FSIP1: variants seen among roughly 807,000 people sequenced by gnomAD.
FSIP1 encodes the protein fibrous sheath-interacting protein 1.
In FSIP1, 65 loss-of-function variants were observed where a neutral mutation model predicts 60.9. The ratio of observed to expected loss-of-function variants is 1.07; its 90% CI spans 0.87 to 1.31. The LOEUF is 1.31. FSIP1 is among the 40% of genes most tolerant of loss of function. The pLI is 0.00. For missense variants in FSIP1, 675 were observed against 665.5 expected (o/e 1.01, Z -0.16); for synonymous variants, 209 against 221.2 (o/e 0.94, Z 0.49).
In FSIP1 at chr15:39,770,624, C is replaced by T. The variant is rs1565560; in HGVS notation, c.127-14G>A. ...TGCAGTATCGACCTAAAAATAATTT[C>T]AAAAAAAAAACAGTTTCCGAAAATA... is the stretch of plus-strand genomic sequence containing the variant. On this transcript the variant is annotated splice_polypyrimidine_tract_variant and intron_variant, in intron 2 of 11. Coordinates refer to ENST00000350221, the MANE Select transcript of FSIP1 (RefSeq NM_152597.5). 154,673 of 1,378,010 alleles carry T rather than the reference C, an allele frequency of 0.11. 8,653 individuals are homozygous for T. The highest frequency in any genetic ancestry group is 0.13 in the African/African-American group (8,301 of 65,580). 85.4% of individuals were successfully genotyped at this position (1,378,010 alleles called of 1,614,324 possible).
At chr15:39,650,994 T>C (rs1484898145) in intron 10 of FSIP1, among the ~76,000 whole-genome samples, 1 of 152,198 alleles carries the variant, frequency 6.6e-6, no homozygotes, top group Non-Finnish European at 1.5e-5. Context: ...ACACCTGCAG[T>C]GCTCCTTCGT....
chr15:39,699,449 T>C (rs982585920), intron 10 of FSIP1, among the ~76,000 whole-genome samples: 2 of 152,262 alleles, frequency 1.3e-5, no homozygotes, highest in Non-Finnish European at 2.9e-5. Context: ...TTTCATTTTA[T>C]TGAACGTCCA....
At position 39,739,725 on chromosome 15, in the gene FSIP1, A is replaced by G. The variant is rs1310168715; in HGVS notation, c.720T>C (p.Asn240=). The G allele has an allele frequency of 6.2e-7, 1 of 1,600,478 alleles. No homozygotes were observed. The highest frequency in any genetic ancestry group is 1.3e-5 in the African/African-American group (1 of 74,242). The change falls in exon 7 of 12, where the codon AAT becomes AAC. Residue 240 remains asparagine (N), a synonymous_variant. Transcript: ENST00000350221. ...TACCCCTGAGCTCAATCTTTTCTGTATTCGAGAAAGGTTTCTTTCCTGATT... is the reference window on the plus strand; with the variant it reads ...TACCCCTGAGCTCAATCTTTTCTGTGTTCGAGAAAGGTTTCTTTCCTGATT... ...LIKSGKKPFS[N]TEKIELRGKH...
chr15:39,611,325 T>C (rs1388756190), intron 11 of FSIP1, among the ~76,000 whole-genome samples: 1 of 152,204 alleles, frequency 6.6e-6, no homozygotes, highest in Non-Finnish European at 1.5e-5. Context: ...TGTTTTTTTT[T>C]ATTTTTTAAG....
rs1890591253 is a variant in FSIP1, at chr15:39,600,218, T to C, written c.*662A>G. ...TCTCTCTTCAAATAGTACCGCAGAC[T>C]GTCTTTTAAAGTAGCTCATCTTTAT... On this transcript the variant is annotated 3_prime_UTR_variant, in exon 12 of 12. Transcript: ENST00000350221. The C allele has an allele frequency of 6.6e-6, 1 of 152,246 alleles. No individual in the cohort carries two copies. Among genetic ancestry groups the C allele is most frequent in the South Asian group, 2.1e-4 (1 of 4,832 alleles). 9.4% of individuals were successfully genotyped at this position (152,246 alleles called of 1,614,324 possible). A position where few individuals can be genotyped will look rare whatever the true frequency, so the allele number is the denominator to read the frequency against.
intron 10 of FSIP1, among the ~76,000 whole-genome samples, chr15:39,654,323 C>G (rs1302455174): frequency 6.6e-6 from 1 of 152,136 alleles, no homozygotes; most frequent in African/African-American, 2.4e-5. Context: ...TTGTTTACAC[C>G]AGCTTCACCA....
At chr15:39,614,240 TA>T (rs1891141036) in intron 11 of FSIP1, among the ~76,000 whole-genome samples, 1 of 151,828 alleles carries the variant, frequency 6.6e-6, no homozygotes, top group Non-Finnish European at 1.5e-5. Context: ...TTACAGGATA[TA>T]AAATCAACAT....
In FSIP1 at chr15:39,763,008, T is replaced by C. The variant is rs374763425; in HGVS notation, c.559+813A>G. Among the ~76,000 whole-genome samples, 6 of 152,346 alleles carry C rather than the reference T, an allele frequency of 3.9e-5. 1 individual carries two copies. The highest frequency in any genetic ancestry group is 6.5e-5 in the Admixed American group (1 of 15,302). ...TATTTTTATTCTCAAAATATATACA[T>C]GGATATTTGCATTAAACACATCTCA... On this transcript the variant is annotated intron_variant, in intron 5 of 11. Coordinates refer to ENST00000350221, the MANE Select transcript of FSIP1 (RefSeq NM_152597.5).
At chr15:39,719,374 C>G (rs1342420430) in intron 9 of FSIP1, among the ~76,000 whole-genome samples, 1 of 152,148 alleles carries the variant, frequency 6.6e-6, no homozygotes, top group African/African-American at 2.4e-5. Flanking sequence ...CTCCATATGC[C>G]ACAAGAAGAG....
intron 10 of FSIP1, among the ~76,000 whole-genome samples, chr15:39,656,923 C>T (rs1037020749): frequency 6.6e-6 from 1 of 152,164 alleles, no homozygotes; most frequent in African/African-American, 2.4e-5. Flanking sequence ...GTTGAGGGCC[C>T]GTGTGTGTTG....
At chr15:39,733,481 A>G (rs1295927993) in intron 8 of FSIP1, among the ~76,000 whole-genome samples, 3 of 152,228 alleles carry the variant, frequency 2.0e-5, no homozygotes, top group African/African-American at 7.2e-5. Flanking sequence ...ATGTTATAAG[A>G]CCTGGAAGAG....
rs181467262 is a variant in FSIP1, at chr15:39,635,837, C to G, written c.1189-17592G>C. 2.6e-5 allele frequency among the ~76,000 whole-genome samples: 4 copies of G among 152,192 alleles called. No homozygotes were observed. The East Asian group carries it at 7.7e-4, about 29-fold the overall frequency. ...GTGCTGCTGCTTAAGCTCTATTACCCCAGGATCCTAATATCCCTAGTAAGA... is the reference window on the plus strand; with the variant it reads ...GTGCTGCTGCTTAAGCTCTATTACCGCAGGATCCTAATATCCCTAGTAAGA... On this transcript the variant is annotated intron_variant, in intron 10 of 11. Coordinates refer to ENST00000350221, the MANE Select transcript of FSIP1 (RefSeq NM_152597.5).
At chr15:39,624,032 A>ACCTGGTTGGTCACTGG (rs1252869168) in intron 10 of FSIP1, among the ~76,000 whole-genome samples, 1 of 152,170 alleles carries the variant, frequency 6.6e-6, no homozygotes, top group Non-Finnish European at 1.5e-5. Context: ...AAGCAAGATA[A>ACCTGGTTGGTCACTGG]CCTGGTTGGT....
At chr15:39,657,913 C>A (rs577519103) in intron 10 of FSIP1, among the ~76,000 whole-genome samples, 1 of 152,270 alleles carries the variant, frequency 6.6e-6, no homozygotes, top group South Asian at 2.1e-4. Context: ...ACAAAAAATT[C>A]TAAAAATGCC....
At chr15:39,672,647 G>C (rs1893768283) in intron 10 of FSIP1, among the ~76,000 whole-genome samples, 1 of 152,102 alleles carries the variant, frequency 6.6e-6, no homozygotes, top group African/African-American at 2.4e-5. Context: ...TAGTAATAAA[G>C]ATACACTTTA....
intron 10 of FSIP1, among the ~76,000 whole-genome samples, chr15:39,627,383 T>A (rs895662296): frequency 6.6e-6 from 1 of 152,208 alleles, no homozygotes; most frequent in Non-Finnish European, 1.5e-5. Flanking sequence ...TGTCTATTGC[T>A]GATGAGGTGT....
At chr15:39,616,250 A>C (rs1451162722) in intron 11 of FSIP1, among the ~76,000 whole-genome samples, 7 of 152,222 alleles carry the variant, frequency 4.6e-5, no homozygotes, top group Non-Finnish European at 7.3e-5. Flanking sequence ...TTTTATTCTA[A>C]AACTGGTTAT....
At chr15:39,618,889 T>C (rs1320515607) in intron 10 of FSIP1, among the ~76,000 whole-genome samples, 1 of 152,122 alleles carries the variant, frequency 6.6e-6, no homozygotes, top group Non-Finnish European at 1.5e-5. Context: ...ACCATAACAT[T>C]TGAGTTGCAA....
intron 10 of FSIP1, among the ~76,000 whole-genome samples, chr15:39,687,215 C>T (rs555544247): frequency 1.6e-5 from 2 of 126,870 alleles, no homozygotes; most frequent in Non-Finnish European, 1.6e-5. Flanking sequence ...AGTGCAATAG[C>T]GTGATCTTGG....
Sources: allele counts gnomAD v4.1 joint callset (sites outside exome capture counted in the v4.1 genomes callset), GRCh38; gene constraint gnomAD v4.1.1; transcripts MANE v1.5; gene names NCBI Gene and HGNC (gene_info 2026-07-23, HGNC 2026-07-21).